TENM3: variants seen among roughly 807,000 people sequenced by gnomAD.
The protein encoded by TENM3 is teneurin-3.
In TENM3, 63 loss-of-function variants were observed where a neutral mutation model predicts 255.1. The observed-to-expected ratio is 0.25, with a 90% CI of 0.20 to 0.30. The LOEUF (loss-of-function observed/expected upper bound fraction) is 0.30. Ranked by LOEUF, TENM3 falls within the 10% of genes least tolerant of loss-of-function variation. The pLI, the probability that TENM3 is intolerant of heterozygous loss-of-function variation, is 1.00. For synonymous variants in TENM3, 1,306 were observed against 1,322.3 expected (o/e 0.99, Z 0.27); for missense variants, 2,929 against 3,461.1 (o/e 0.85, Z 3.86).
At chr4:181,450,969 G>T in the TENM3 span, among the ~76,000 whole-genome samples, 3,069 of 152,220 alleles carry the variant, frequency 0.02, 40 homozygotes, top group Non-Finnish European at 0.031. Flanking sequence ...TATATGCCAG[G>T]GATCGTGTTT....
At chr4:182,053,236 G>A in the TENM3 span, among the ~76,000 whole-genome samples, 3 of 152,156 alleles carry the variant, frequency 2.0e-5, no homozygotes, top group African/African-American at 7.2e-5. Flanking sequence ...TTTGCAGTTG[G>A]AGGGCATATT....
chr4:182,342,164 G>A (rs1037651499), intron 2 of TENM3, among the ~76,000 whole-genome samples: 3 of 152,164 alleles, frequency 2.0e-5, no homozygotes, highest in African/African-American at 7.2e-5. Context: ...GAAGACATAT[G>A]TACGCATGAA....
intron 3 of TENM3, among the ~76,000 whole-genome samples, chr4:182,596,943 A>G (rs2152402161): frequency 6.6e-6 from 1 of 152,316 alleles, no homozygotes; most frequent in East Asian, 1.9e-4. Flanking sequence ...CTAAAGTGAA[A>G]GGCTGCAGTG....
intron 5 of TENM3, among the ~76,000 whole-genome samples, chr4:182,651,698 G>A (rs76804762): frequency 6.2e-5 from 9 of 146,196 alleles, no homozygotes; most frequent in East Asian, 2.0e-4. Flanking sequence ...CTCCGTCTCA[G>A]AAAAAAAAAA....
the TENM3 span, among the ~76,000 whole-genome samples, chr4:182,041,467 C>T: frequency 2.6e-5 from 4 of 152,178 alleles, no homozygotes; most frequent in Non-Finnish European, 5.9e-5. Context: ...CTCAGCTTAA[C>T]ACACTGCTTG....
At chr4:182,506,087 T>C (rs1736788752) in intron 3 of TENM3, among the ~76,000 whole-genome samples, 1 of 152,148 alleles carries the variant, frequency 6.6e-6, no homozygotes, top group Admixed American at 6.6e-5. Context: ...GCACAAATTA[T>C]TAAGAGCTCA....
At chr4:181,786,906 A>G in the TENM3 span, among the ~76,000 whole-genome samples, 3 of 152,186 alleles carry the variant, frequency 2.0e-5, no homozygotes, top group East Asian at 1.9e-4. Flanking sequence ...ACCGTAAGAC[A>G]TAACAAAAGC....
rs1419496260 is a variant in TENM3 at position 182,644,664 on chromosome 4, T to C, written c.989-9107T>C. On this transcript the variant is annotated intron_variant, in intron 5 of 27. Coordinates refer to ENST00000511685, the MANE Select transcript of TENM3 (RefSeq NM_001080477.4). ...CTGATAAATCTTTATTAACATATTGTCTCAAAATTATTTCAATTAATAAGG... is the reference window on the plus strand; with the variant it reads ...CTGATAAATCTTTATTAACATATTGCCTCAAAATTATTTCAATTAATAAGG... Among the ~76,000 whole-genome samples, 4 of 152,236 alleles carry C rather than the reference T, an allele frequency of 2.6e-5. No homozygotes were observed. The East Asian group carries it at 7.7e-4, about 29-fold the overall frequency.
At chr4:181,528,432 T>C in the TENM3 span, among the ~76,000 whole-genome samples, 5 of 152,178 alleles carry the variant, frequency 3.3e-5, no homozygotes, top group Non-Finnish European at 7.3e-5. Context: ...TGAAGAGATT[T>C]AGAGATAAGA....
chr4:182,059,103 G>T, the TENM3 span, among the ~76,000 whole-genome samples: 1 of 152,008 alleles, frequency 6.6e-6, no homozygotes, highest in Non-Finnish European at 1.5e-5. Flanking sequence ...GTCATGCTGG[G>T]ATATGCAGGT....
At position 182,634,909 on chromosome 4, in the gene TENM3, T is replaced by G. The variant is rs116242215; in HGVS notation, c.988+6020T>G. Among the ~76,000 whole-genome samples, 1,263 of 152,224 alleles carry G rather than the reference T, an allele frequency of 8.3e-3. 17 individuals carry two copies. Among genetic ancestry groups the G allele is most frequent in the African/African-American group, 0.029 (1,197 of 41,542 alleles). On this transcript the variant is annotated intron_variant, in intron 5 of 27. Coordinates refer to ENST00000511685, the MANE Select transcript of TENM3 (RefSeq NM_001080477.4). ...TGTCAATGTTATACACATAGAAAAA[T>G]GGCCAGAAATCCCTCATGAAGGATA...
the TENM3 span, among the ~76,000 whole-genome samples, chr4:181,819,044 C>G: frequency 6.6e-6 from 1 of 152,190 alleles, no homozygotes; most frequent in African/African-American, 2.4e-5. Context: ...TGCCATCCAC[C>G]TGCCTCTGGC....
At chr4:181,859,597 A>G in the TENM3 span, among the ~76,000 whole-genome samples, 3 of 152,196 alleles carry the variant, frequency 2.0e-5, no homozygotes, top group African/African-American at 7.2e-5. Flanking sequence ...AGAAAGTGAA[A>G]TAGTGATTTC....
the TENM3 span, among the ~76,000 whole-genome samples, chr4:181,919,404 T>C: frequency 6.6e-6 from 1 of 151,824 alleles, no homozygotes; most frequent in Non-Finnish European, 1.5e-5. Flanking sequence ...TGTGTGTGTC[T>C]GGTGTATTGG....
the TENM3 span, among the ~76,000 whole-genome samples, chr4:182,131,273 T>A: frequency 6.6e-6 from 1 of 152,136 alleles, no homozygotes; most frequent in Non-Finnish European, 1.5e-5. Context: ...CATTTCATAG[T>A]TTATCAGTGA....
chr4:182,430,579 G>C (rs1490372095), intron 3 of TENM3, among the ~76,000 whole-genome samples: 1 of 151,944 alleles, frequency 6.6e-6, no homozygotes, highest in African/African-American at 2.4e-5. Context: ...TTGTAGAGTG[G>C]GTTGAAGAAA....
chr4:182,323,380 A>T (rs1763176719), intron 1 of TENM3, among the ~76,000 whole-genome samples: 1 of 151,986 alleles, frequency 6.6e-6, no homozygotes, highest in African/African-American at 2.4e-5. Flanking sequence ...TAAAACATGA[A>T]AATTGTGCCC....
intron 2 of TENM3, among the ~76,000 whole-genome samples, chr4:182,340,096 C>T (rs1165259403): frequency 2.6e-5 from 4 of 152,126 alleles, no homozygotes; most frequent in East Asian, 1.9e-4. Context: ...TGCATATGTT[C>T]GTCCTCCCCT....
At chr4:182,029,908 T>A in the TENM3 span, among the ~76,000 whole-genome samples, 1 of 143,412 alleles carries the variant, frequency 7.0e-6, no homozygotes, top group Non-Finnish European at 1.5e-5. Context: ...TTATATTGAA[T>A]AAATATTCAG....
Sources: gnomAD v4.1 joint callset for allele counts (sites outside exome capture counted in the v4.1 genomes callset) on GRCh38, gnomAD v4.1.1 for gene constraint, MANE v1.5 for transcripts, NCBI Gene and HGNC (gene_info 2026-07-23, HGNC 2026-07-21) for gene names.